Variants in ARAP1 observed in about 807,000 individuals in gnomAD.
ARAP1 encodes the protein ArfGAP with RhoGAP domain, ankyrin repeat and PH domain 1, also known as arf-GAP with Rho-GAP domain, ANK repeat and PH domain-containing protein 1.
A neutral mutation model predicts 172.2 loss-of-function variants in ARAP1; 76 were observed. The ratio of observed to expected loss-of-function variants is 0.44; its 90% CI spans 0.37 to 0.53. The LOEUF (loss-of-function observed/expected upper bound fraction) is 0.53. Ranked by LOEUF, ARAP1 falls within the 20% of genes least tolerant of loss-of-function variation. The probability of loss-of-function intolerance (pLI) is 0.00; values close to 1 mark genes in which losing one functional copy is unlikely to be tolerated. For synonymous variants in ARAP1, 804 were observed against 803.3 expected, an observed-to-expected ratio of 1.00 and a Z score of -0.01; for missense variants, 1,686 against 1,977.5, an observed-to-expected ratio of 0.85 and a Z score of 2.80.
In ARAP1 at chr11:72,697,331, G is replaced by A. The variant is rs1856254272; in HGVS notation, c.2945C>T (p.Thr982Met). ...CTAGGGGCAGGGCTCACCGCACTGC[G>A]TGATGTAGTCCACACAGCGGTACAC... ...VIVYRCVDYI[T>M]QCGLTSEGIY... Residue 982 changes from threonine to methionine, a missense_variant, in exon 21 of 35, where the codon ACG becomes ATG. Physicochemically the swap from Thr to Met is moderately conservative, Grantham distance 81. This residue lies in a region of ARAP1 where 274 missense variants were observed against 262.7 expected (regional missense o/e 1.04). Transcript: ENST00000393609. 1.3e-6 allele frequency: 2 copies of A among 1,589,766 alleles called. No homozygotes were observed. Among genetic ancestry groups the A allele is most frequent in the Non-Finnish European group, 1.7e-6 (2 of 1,168,422 alleles).
chr11:72,729,889 C>T (rs1025132980), intron 2 of ARAP1, among the ~76,000 whole-genome samples: 3 of 149,598 alleles, frequency 2.0e-5, no homozygotes, highest in Non-Finnish European at 3.0e-5. Flanking sequence ...CACACCACTG[C>T]ACTCCACCCT....
rs1857671426 is a variant in ARAP1 at position 72,725,853 on chromosome 11, G to C, written c.509+767C>G. On this transcript the variant is annotated intron_variant, in intron 3 of 34. Coordinates refer to ENST00000393609, the MANE Select transcript of ARAP1 (RefSeq NM_001040118.3). The surrounding 1 kb of genome is among the most constrained non-coding windows in gnomAD (Gnocchi z 4.3). ...CTTCCTCCTCCAAGAAGCCTTCCAAGATTAGCCTCACTTCGCCCAAGTGCT... is the reference window on the plus strand; with the variant it reads ...CTTCCTCCTCCAAGAAGCCTTCCAACATTAGCCTCACTTCGCCCAAGTGCT... Among the ~76,000 whole-genome samples, 1 of 152,134 alleles carries C rather than the reference G, an allele frequency of 6.6e-6. No homozygotes were observed.
Position 72,713,239 on chromosome 11 carries a change from G to A in ARAP1, c.684C>T (p.Asp228=). 1 of 1,613,390 alleles carries A rather than the reference G, an allele frequency of 6.2e-7. No homozygotes were observed. The stretch of plus-strand genomic sequence containing the variant: ...CCTCTGGGACCTCATCGTAGTCAGA[G>A]TCATCTGGTGAGAGAGGGGTTGGGG... ...KPVRLFPEFD[D]SDYDEVPEEG... Residue 228 remains aspartate (D), a synonymous_variant, in exon 5 of 35, where the codon GAC becomes GAT. Coordinates refer to ENST00000393609, the MANE Select transcript of ARAP1 (RefSeq NM_001040118.3).
Position 72,702,790 on chromosome 11 carries a change from CAT to C in ARAP1, c.2167+113_2167+114del, listed in dbSNP as rs1298150899. The C allele has an allele frequency of 2.3e-4, 313 of 1,331,986 alleles. 3 individuals carry two copies. The South Asian group carries it at 3.6e-3, about 15-fold the overall frequency. The allele number at this position is 1,331,986 out of a possible 1,614,324, so 82.5% of individuals were successfully genotyped here. On this transcript the variant is annotated intron_variant, in intron 15 of 34. Coordinates refer to ENST00000393609, the MANE Select transcript of ARAP1 (RefSeq NM_001040118.3). ...AAACCCAAGCACACCCCAGCTCACA[CAT>C]GATTTATCACAGGCCCTTGAGGAGC... is the stretch of plus-strand genomic sequence containing the variant.
In ARAP1 at chr11:72,685,517, G is replaced by T; in HGVS notation, c.*147C>A. On this transcript the variant is annotated 3_prime_UTR_variant, in exon 35 of 35. Transcript: ENST00000393609. ...TCCCACCCCTGCCGGGGAACCCCAT[G>T]CTGCAGTCAGGATGGAGGATGTGGG... is the stretch of plus-strand genomic sequence containing the variant. The T allele has an allele frequency of 1.7e-6, 2 of 1,145,512 alleles. No individual in the cohort carries two copies. The highest frequency in any genetic ancestry group is 2.6e-6 in the Non-Finnish European group (2 of 777,676). The allele number at this position is 1,145,512 out of a possible 1,614,324, so 71.0% of individuals were successfully genotyped here.
In ARAP1 at chr11:72,699,040, C is replaced by T; in HGVS notation, c.2506G>A (p.Glu836Lys). The T allele has an allele frequency of 1.2e-6, 2 of 1,614,182 alleles. No individual in the cohort carries two copies. The highest frequency in any genetic ancestry group is 1.7e-6 in the Non-Finnish European group (2 of 1,180,048). The change falls in exon 18 of 35, where the codon GAG (glutamate) becomes AAG (lysine). Residue 836 changes from glutamate to lysine, a missense_variant. Physicochemically the swap from Glu to Lys is moderately conservative, Grantham distance 56. Around this residue, in one of 5 missense-constraint regions of ARAP1, gnomAD observed 688 missense variants for 856.9 expected, o/e 0.80. Transcript: ENST00000393609. The surrounding 1 kb of genome is among the most constrained non-coding windows in gnomAD (Gnocchi z 4.2). ...CACTTGACCCACTCATGAGCCTGCTCCGCACTCTCCAGCCCAAACAGGTAC... is the reference window on the plus strand; with the variant it reads ...CACTTGACCCACTCATGAGCCTGCTTCGCACTCTCCAGCCCAAACAGGTAC... The part of the protein sequence containing the change: ...RLYLFGLESA[E>K]QAHEWVKCIA...
chr11:72,730,842 C>T (rs768606739), intron 2 of ARAP1, among the ~76,000 whole-genome samples: 28 of 152,116 alleles, frequency 1.8e-4, no homozygotes, highest in Non-Finnish European at 2.9e-4. Context: ...ATGGAAATAA[C>T]CAAAATGGCC....
At chr11:72,713,800 T>C (rs564831494) in intron 4 of ARAP1, among the ~76,000 whole-genome samples, 6 of 149,412 alleles carry the variant, frequency 4.0e-5, no homozygotes, top group Admixed American at 2.7e-4. Context: ...TGGGCGGAGA[T>C]TGCACCACTG....
At chr11:72,712,714 T>C (rs2135544790) in intron 5 of ARAP1, 146 bp from the exon 6 acceptor site, 1 of 1,349,092 alleles carries the variant, frequency 7.4e-7, no homozygotes, top group Non-Finnish European at 1.0e-6. Context: ...CCCCTCCCCC[T>C]GCCAGCGGAG....
At chr11:72,688,007 GT>G (rs11307815) in intron 31 of ARAP1, among the ~76,000 whole-genome samples, 111,219 of 150,436 alleles carry the variant, frequency 0.74, 41,751 homozygotes, top group Middle Eastern at 0.85. Context: ...TTTTGTTGTT[GT>G]TTTTTTTTTG....
chr11:72,718,111 A>G lies in ARAP1; in HGVS notation c.510-3790T>C, dbSNP rs115291130. Among the ~76,000 whole-genome samples the G allele has an allele frequency of 5.9e-3, 899 of 152,314 alleles. 13 individuals are homozygous for G. The highest frequency in any genetic ancestry group is 0.021 in the African/African-American group (859 of 41,570). Reference sequence around the variant, plus strand: ...GGGGCCTCTCGGAAGCATCTGGGAAATTCTAGCCACCTTCTCCAGGAAGTC... The same window carrying G: ...GGGGCCTCTCGGAAGCATCTGGGAAGTTCTAGCCACCTTCTCCAGGAAGTC... On this transcript the variant is annotated intron_variant, in intron 3 of 34. Coordinates refer to ENST00000393609, the MANE Select transcript of ARAP1 (RefSeq NM_001040118.3).
intron 13 of ARAP1, 160 bp from the exon 14 acceptor site, chr11:72,704,494 G>A (rs1856665213): frequency 2.7e-6 from 2 of 751,508 alleles, no homozygotes; most frequent in Non-Finnish European, 2.1e-6. Context: ...CCTGCTGGTG[G>A]CTGGGGATGC....
In ARAP1 at chr11:72,697,041, G is replaced by A. The variant is rs1856231369; in HGVS notation, c.3108C>T (p.Arg1036=). 3.1e-6 allele frequency: 5 copies of A among 1,609,876 alleles called. No individual in the cohort carries two copies. The highest frequency in any genetic ancestry group is 1.1e-5 in the South Asian group (1 of 91,094). Residue 1036 remains arginine (R), a synonymous_variant, in exon 22 of 35, where the codon CGC becomes CGT. Coordinates refer to ENST00000393609, the MANE Select transcript of ARAP1 (RefSeq NM_001040118.3). Reference sequence around the variant, plus strand: ...GAGTGAAGAGCCCATCAGGCAGGTCGCGCAGGAAGCGCTTGAGCGCCGAGG... The same window carrying A: ...GAGTGAAGAGCCCATCAGGCAGGTCACGCAGGAAGCGCTTGAGCGCCGAGG... ...DVSSALKRFL[R]DLPDGLFTRA...
chr11:72,701,981 T>C (rs1856508048), intron 15 of ARAP1, among the ~76,000 whole-genome samples, 198 bp from the exon 16 acceptor site: 1 of 152,150 alleles, frequency 6.6e-6, no homozygotes. Context: ...CTTGTGGAAA[T>C]TCACTCCACT....
At chr11:72,702,206 G>A (rs370320977) in intron 15 of ARAP1, among the ~76,000 whole-genome samples, 6 of 152,252 alleles carry the variant, frequency 3.9e-5, no homozygotes, top group East Asian at 3.9e-4. Flanking sequence ...TCAGCGCCGT[G>A]GGGGGGCGGT....
chr11:72,724,869 G>A (rs1229046826), intron 3 of ARAP1, among the ~76,000 whole-genome samples: 2 of 152,114 alleles, frequency 1.3e-5, no homozygotes, highest in East Asian at 1.9e-4. Flanking sequence ...ACCTTTTCCC[G>A]ACCATGGCGC....
intron 16 of ARAP1, among the ~76,000 whole-genome samples, chr11:72,700,923 G>A (rs1206579476): frequency 4.6e-5 from 7 of 152,170 alleles, no homozygotes; most frequent in Admixed American, 2.0e-4. Context: ...GCTTGAACCC[G>A]GGAGGCAGAG....
intron 22 of ARAP1, 85 bp downstream of exon 22, chr11:72,696,898 A>C: frequency 1.4e-6 from 2 of 1,379,422 alleles, no homozygotes; most frequent in South Asian, 2.6e-5. Context: ...GGGTAAGCCT[A>C]GTGCAAGTGC....
intron 1 of ARAP1, among the ~76,000 whole-genome samples, chr11:72,735,918 G>T (rs1858008386): frequency 6.6e-6 from 1 of 152,188 alleles, no homozygotes; most frequent in South Asian, 2.1e-4. Flanking sequence ...ACCTCAGGCT[G>T]GAAGGGATCA....
Sources: allele counts gnomAD v4.1 joint callset (sites outside exome capture counted in the v4.1 genomes callset), GRCh38; gene constraint gnomAD v4.1.1; regional missense constraint gnomAD v4.1.1; non-coding constraint Gnocchi (gnomAD v3.1); transcripts MANE v1.5; gene names NCBI Gene and HGNC (gene_info 2026-07-23, HGNC 2026-07-21).